MED12L: variants seen among roughly 807,000 people sequenced by gnomAD.
The protein encoded by MED12L is mediator of RNA polymerase II transcription subunit 12-like protein.
Under a neutral mutation model 281.3 loss-of-function variants are expected in MED12L, and 60 were observed. The ratio of observed to expected loss-of-function variants is 0.21; its 90% confidence interval spans 0.17 to 0.26. The LOEUF is 0.26. Among genes scored for constraint, MED12L ranks in the 10% least tolerant of loss-of-function variants. MED12L has a pLI of 1.00. For synonymous variants in MED12L, 974 were observed against 987.2 expected (o/e 0.99, Z 0.25); for missense variants, 2,146 against 2,680.9 (o/e 0.80, Z 4.41).
intron 16 of MED12L, chr3:151,327,967 A>G (rs777682182): frequency 6.8e-7 from 1 of 1,471,464 alleles, no homozygotes; most frequent in Non-Finnish European, 9.1e-7. Flanking sequence ...ATCAATAAAT[A>G]GAAGTTAACC....
intron 16 of MED12L, among the ~76,000 whole-genome samples, chr3:151,306,812 C>G (rs930972730): frequency 6.6e-6 from 1 of 152,252 alleles, no homozygotes; most frequent in African/African-American, 2.4e-5. Flanking sequence ...CAGTTAAATG[C>G]TGGCTCCCTA....
In MED12L at chr3:151,337,894, A is replaced by G. The variant is rs763765856; in HGVS notation, c.2251-12165A>G. 4 of 1,614,118 alleles carry G rather than the reference A, an allele frequency of 2.5e-6. No individual in the cohort carries two copies. In the South Asian group the frequency reaches 4.4e-5, roughly 18 times the overall value. ...TTGTCCTGGGACAGAGATGTTGCAG[A>G]ATTGGGGCACTTCAGCATACTTATC... is the stretch of plus-strand genomic sequence containing the variant. On this transcript the variant is annotated intron_variant, in intron 16 of 44. Transcript: ENST00000687756.
At chr3:151,244,710 A>G (rs1559929205) in intron 16 of MED12L, among the ~76,000 whole-genome samples, 1 of 151,724 alleles carries the variant, frequency 6.6e-6, no homozygotes, top group Admixed American at 6.6e-5. Flanking sequence ...TAAAAGAACT[A>G]GAAAAGCAAG....
At chr3:151,114,538 G>T (rs779863839) in intron 2 of MED12L, among the ~76,000 whole-genome samples, 1 of 152,148 alleles carries the variant, frequency 6.6e-6, no homozygotes, top group Non-Finnish European at 1.5e-5. Flanking sequence ...TTCATTTTAT[G>T]CATTCAGCAG....
chr3:151,271,023 A>T (rs954441153), intron 16 of MED12L, among the ~76,000 whole-genome samples: 78 of 152,290 alleles, frequency 5.1e-4, no homozygotes, highest in Middle Eastern at 3.4e-3. Context: ...AAACCAAAAA[A>T]AAAAAAATCC....
Position 151,151,031 on chromosome 3 carries a change from C to CTTT in MED12L, c.557-5109_557-5107dup, listed in dbSNP as rs573419924. Among the ~76,000 whole-genome samples, 183 of 32,874 alleles carry CTTT rather than the reference C, an allele frequency of 5.6e-3. 54 individuals are homozygous for CTTT. Among genetic ancestry groups the CTTT allele is most frequent in the East Asian group, 0.05 (50 of 1,010 alleles). 21.6% of individuals were successfully genotyped at this position (32,874 alleles called of 152,430 possible). A position where few individuals can be genotyped will look rare whatever the true frequency, so the allele number is the denominator to read the frequency against. ...ATCATTTGTATGACTGCTGAAGTAG[C>CTTT]TTTTTTTTTTTTTTTTTTTTTTTGA... is the stretch of plus-strand genomic sequence containing the variant. On this transcript the variant is annotated intron_variant, in intron 5 of 44. Coordinates refer to ENST00000687756, the MANE Select transcript of MED12L (RefSeq NM_001393769.1).
At chr3:151,298,754 C>T (rs1158077651) in intron 16 of MED12L, among the ~76,000 whole-genome samples, 1 of 152,110 alleles carries the variant, frequency 6.6e-6, no homozygotes, top group Non-Finnish European at 1.5e-5. Flanking sequence ...TTGGGGAATG[C>T]TTGGGCTTTG....
chr3:151,271,684 G>A (rs981267874), intron 16 of MED12L, among the ~76,000 whole-genome samples: 5 of 152,142 alleles, frequency 3.3e-5, no homozygotes, highest in South Asian at 2.1e-4. Context: ...AGGATGATGC[G>A]GGCCCACAAT....
At chr3:151,278,966 T>C (rs558885301) in intron 16 of MED12L, among the ~76,000 whole-genome samples, 45 of 152,264 alleles carry the variant, frequency 3.0e-4, no homozygotes, top group Non-Finnish European at 5.9e-4. Flanking sequence ...TCCTCGTGTG[T>C]TAACATTTTG....
chr3:151,143,824 A>G (rs1480295406), intron 5 of MED12L, among the ~76,000 whole-genome samples: 2 of 152,188 alleles, frequency 1.3e-5, no homozygotes, highest in East Asian at 1.9e-4. Context: ...AGTAAAACTC[A>G]TGACTTGGTG....
At chr3:151,344,999 T>C (rs1298380942) in intron 16 of MED12L, among the ~76,000 whole-genome samples, 5 of 152,230 alleles carry the variant, frequency 3.3e-5, no homozygotes, top group Non-Finnish European at 5.9e-5. Flanking sequence ...ACTCCATTTC[T>C]TCTTTCTAAG....
At chr3:151,410,691 C>T (rs776856085) in intron 40 of MED12L, among the ~76,000 whole-genome samples, 4 of 152,214 alleles carry the variant, frequency 2.6e-5, no homozygotes, top group East Asian at 1.9e-4. Context: ...AGGTCCAGCC[C>T]GTACTAGAGG....
At chr3:151,097,757 G>A (rs1488004979) in intron 2 of MED12L, among the ~76,000 whole-genome samples, 3 of 152,160 alleles carry the variant, frequency 2.0e-5, no homozygotes, top group South Asian at 4.1e-4. Context: ...TGCTGCTAAT[G>A]TTCACCAATG....
intron 20 of MED12L, among the ~76,000 whole-genome samples, chr3:151,357,785 G>T (rs1440312622): frequency 6.6e-6 from 1 of 152,130 alleles, no homozygotes; most frequent in Non-Finnish European, 1.5e-5. Flanking sequence ...TAGAAATTTG[G>T]TTCTTCAATT....
At chr3:151,259,187 C>T (rs1738405124) in intron 16 of MED12L, among the ~76,000 whole-genome samples, 1 of 152,156 alleles carries the variant, frequency 6.6e-6, no homozygotes, top group Non-Finnish European at 1.5e-5. Context: ...GATTAGTTAT[C>T]CTGCTGTAGG....
intron 16 of MED12L, among the ~76,000 whole-genome samples, chr3:151,293,836 T>A (rs1744670434): frequency 6.6e-6 from 1 of 152,188 alleles, no homozygotes; most frequent in Non-Finnish European, 1.5e-5. Context: ...GATATAATTC[T>A]CTTTTCTATA....
At chr3:151,373,017 G>A (rs1326197704) in intron 27 of MED12L, among the ~76,000 whole-genome samples, 1 of 152,100 alleles carries the variant, frequency 6.6e-6, no homozygotes, top group Non-Finnish European at 1.5e-5. Context: ...AGATGTGGGT[G>A]CATATACCTA....
At chr3:151,119,399 G>A (rs747303860) in intron 3 of MED12L, among the ~76,000 whole-genome samples, 50 of 152,194 alleles carry the variant, frequency 3.3e-4, no homozygotes, top group Non-Finnish European at 5.1e-4. Flanking sequence ...GGTGTCTCCA[G>A]ATGCGTCTCT....
At chr3:151,338,136 T>A (rs1234988421) in intron 16 of MED12L, 1 of 1,614,056 alleles carries the variant, frequency 6.2e-7, no homozygotes, top group Admixed American at 1.7e-5. Context: ...AATGAAAACT[T>A]TGACGTTCAC....
Sources: gnomAD v4.1 joint callset for allele counts (sites outside exome capture counted in the v4.1 genomes callset) on GRCh38, gnomAD v4.1.1 for gene constraint, MANE v1.5 for transcripts, NCBI Gene and HGNC (gene_info 2026-07-23, HGNC 2026-07-21) for gene names.